CDADC1: variants seen among roughly 807,000 people sequenced by gnomAD.
CDADC1 encodes the protein dCTP deaminase.
In CDADC1, 39 loss-of-function variants were observed where a neutral mutation model predicts 54.9. The observed-to-expected ratio is 0.71, with a 90% CI of 0.55 to 0.93. The LOEUF is 0.93. CDADC1 is among the 40% of genes least tolerant of loss of function. The pLI, the probability that CDADC1 is intolerant of heterozygous loss-of-function variation, is 0.00. For missense variants in CDADC1, 518 were observed against 618.8 expected, an observed-to-expected ratio of 0.84 and a Z score of 1.73; for synonymous variants, 186 against 204.0, an observed-to-expected ratio of 0.91 and a Z score of 0.75.
At chr13:49,272,657 C>CTTTTTTT (rs1191602451) in intron 5 of CDADC1, among the ~76,000 whole-genome samples, 2 of 133,028 alleles carry the variant, frequency 1.5e-5, no homozygotes, top group African/African-American at 5.6e-5. Context: ...ATTTCTTTTT[C>CTTTTTTT]TTTTTTTTTT....
Position 49,286,119 on chromosome 13 carries a change from T to G in CDADC1, c.1411-103T>G, listed in dbSNP as rs1382051537. On this transcript the variant is annotated intron_variant, in intron 8 of 9. Transcript: ENST00000251108. ...GTGACCCACTATGCCCAGCCATTTT[T>G]CTTCCATTTTTAAGAAGTTGTTTTG... 4 of 955,812 alleles carry G rather than the reference T, an allele frequency of 4.2e-6. No homozygotes were observed. The African/African-American group carries it at 6.5e-5, about 16-fold the overall frequency. The allele number at this position is 955,812 out of a possible 1,614,324, so 59.2% of individuals were successfully genotyped here.
intron 5 of CDADC1, among the ~76,000 whole-genome samples, chr13:49,273,736 G>T (rs1004864875): frequency 9.1e-4 from 17 of 18,670 alleles, no homozygotes; most frequent in African/African-American, 2.5e-3. Flanking sequence ...GTACTTTCTA[G>T]CAATAGATAG....
intron 4 of CDADC1, among the ~76,000 whole-genome samples, chr13:49,263,639 A>T (rs1263489322): frequency 6.6e-6 from 1 of 152,194 alleles, no homozygotes; most frequent in East Asian, 1.9e-4. Context: ...TTTCAACCAC[A>T]TATCTATATG....
In CDADC1 at chr13:49,258,196, TA is replaced by T. The variant is rs557682461; in HGVS notation, c.253-1149del. On this transcript the variant is annotated intron_variant, in intron 3 of 9. Coordinates refer to ENST00000251108, the MANE Select transcript of CDADC1 (RefSeq NM_030911.4). ...CTCAAAACCGAAACTGAAACTTGACTAGTTAATATCGCTTTGGTCTGATCCT... is the reference window on the plus strand; with the variant it reads ...CTCAAAACCGAAACTGAAACTTGACTGTTAATATCGCTTTGGTCTGATCCT... Among the ~76,000 whole-genome samples the T allele has an allele frequency of 3.1e-3, 475 of 152,336 alleles. 2 individuals are homozygous for T. Among genetic ancestry groups the T allele is most frequent in the African/African-American group, 0.01 (431 of 41,576 alleles).
At chr13:49,285,280 G>A (rs192282653) in intron 8 of CDADC1, among the ~76,000 whole-genome samples, 6 of 150,332 alleles carry the variant, frequency 4.0e-5, no homozygotes, top group Middle Eastern at 3.4e-3. Context: ...CCGGGTTCTC[G>A]CCATTCTCCT....
chr13:49,264,447 C>T (rs897162350), intron 4 of CDADC1, among the ~76,000 whole-genome samples: 1 of 151,536 alleles, frequency 6.6e-6, no homozygotes, highest in Admixed American at 6.6e-5. Flanking sequence ...ACAGGTCAGG[C>T]GCAGTGGCCC....
intron 3 of CDADC1, among the ~76,000 whole-genome samples, chr13:49,257,571 C>T (rs185889620): frequency 1.3e-5 from 2 of 152,156 alleles, no homozygotes; most frequent in African/African-American, 4.8e-5. Context: ...GAGATCGAGA[C>T]CATCCTGGCT....
intron 2 of CDADC1, among the ~76,000 whole-genome samples, chr13:49,252,406 T>C (rs894869122): frequency 1.3e-5 from 2 of 152,222 alleles, no homozygotes; most frequent in African/African-American, 4.8e-5. Flanking sequence ...TAACATTGTT[T>C]ATATGAGAAA....
Position 49,267,613 on chromosome 13 carries a change from G to C in CDADC1, c.554G>C (p.Arg185Pro). Residue 185 changes from arginine (R) to proline (P), a missense_variant, in exon 5 of 10, where the codon CGG becomes CCG. Arg to Pro is a moderately radical substitution (Grantham distance 103, BLOSUM62 -2). Coordinates refer to ENST00000251108, the MANE Select transcript of CDADC1 (RefSeq NM_030911.4). Reference sequence around the variant, plus strand: ...GTGGAAAGATTGAAGTCAAACAGTCGGGCCCATGTGTGTGTCTTACTTCAA... The same window carrying C: ...GTGGAAAGATTGAAGTCAAACAGTCCGGCCCATGTGTGTGTCTTACTTCAA... ...KAVERLKSNS[R>P]AHVCVLLQPL... The C allele has an allele frequency of 6.2e-7, 1 of 1,614,032 alleles. No homozygotes were observed. Among genetic ancestry groups the C allele is most frequent in the Non-Finnish European group, 8.5e-7 (1 of 1,179,994 alleles).
intron 8 of CDADC1, among the ~76,000 whole-genome samples, chr13:49,285,789 C>G (rs1484223657): frequency 6.6e-6 from 1 of 151,334 alleles, no homozygotes; most frequent in East Asian, 1.9e-4. Context: ...TTTGAACATG[C>G]TAACTTCTTT....
chr13:49,265,899 A>G, intron 4 of CDADC1: 1 of 1,303,204 alleles, frequency 7.7e-7, no homozygotes, highest in South Asian at 1.2e-5. Context: ...AGCAGCTAAG[A>G]TGCCTAGATG....
At chr13:49,252,635 T>C (rs1393025795) in intron 2 of CDADC1, among the ~76,000 whole-genome samples, 1 of 152,214 alleles carries the variant, frequency 6.6e-6, no homozygotes, top group Non-Finnish European at 1.5e-5. Context: ...TATAGTGTTA[T>C]TTATTGTACA....
chr13:49,282,577 G>A (rs955424183), intron 8 of CDADC1, among the ~76,000 whole-genome samples: 4 of 152,096 alleles, frequency 2.6e-5, no homozygotes, highest in African/African-American at 9.7e-5. Flanking sequence ...ATAAAAATCA[G>A]GAAATTAACA....
Position 49,292,892 on chromosome 13 carries a change from G to A in CDADC1, c.*1135G>A. ...TTCCGCCACATCACACGGCCTCACT[G>A]GGCTTCCTACCAGTTTCTCAGAATT... On this transcript the variant is annotated 3_prime_UTR_variant, in exon 10 of 10. Transcript: ENST00000251108. 1.3e-6 allele frequency: 1 copy of A among 761,594 alleles called. No homozygotes were observed. Among genetic ancestry groups the A allele is most frequent in the Non-Finnish European group, 1.8e-6 (1 of 541,692 alleles). 47.2% of individuals were successfully genotyped at this position (761,594 alleles called of 1,614,324 possible).
chr13:49,249,415 G>T (rs1952374273), intron 2 of CDADC1, among the ~76,000 whole-genome samples: 1 of 152,064 alleles, frequency 6.6e-6, no homozygotes, highest in South Asian at 2.1e-4. Context: ...GTCTCTTTTT[G>T]GATCTTGAAA....
At chr13:49,274,499 T>TAAAA in intron 6 of CDADC1, among the ~76,000 whole-genome samples, 159 bp downstream of exon 6, 1 of 140,710 alleles carries the variant, frequency 7.1e-6, no homozygotes, top group African/African-American at 2.6e-5. Context: ...CCATCTCTAC[T>TAAAA]AAAAAAAAAA....
intron 5 of CDADC1, among the ~76,000 whole-genome samples, chr13:49,272,788 G>A (rs1953005245): frequency 6.6e-6 from 1 of 151,696 alleles, no homozygotes; most frequent in Non-Finnish European, 1.5e-5. Context: ...CTCCCAGGTA[G>A]CTGGGATTAC....
intron 6 of CDADC1, among the ~76,000 whole-genome samples, chr13:49,275,968 C>G (rs1415384595): frequency 6.6e-6 from 1 of 151,694 alleles, no homozygotes; most frequent in Non-Finnish European, 1.5e-5. Flanking sequence ...GGGGTTTCAC[C>G]ATGTTGTCCA....
At chr13:49,271,843 C>G (rs774487557) in intron 5 of CDADC1, among the ~76,000 whole-genome samples, 21 of 152,044 alleles carry the variant, frequency 1.4e-4, no homozygotes, top group Admixed American at 1.3e-4. Context: ...CTGTGAATGA[C>G]CAGATCATAG....
Sources: allele counts gnomAD v4.1 joint callset (sites outside exome capture counted in the v4.1 genomes callset), GRCh38; gene constraint gnomAD v4.1.1; transcripts MANE v1.5; gene names NCBI Gene and HGNC (gene_info 2026-07-23, HGNC 2026-07-21).